ARL15: variants seen among roughly 807,000 people sequenced by gnomAD.
ARL15 encodes ADP-ribosylation factor-like protein 15.
In ARL15, 19 loss-of-function variants were observed where a neutral mutation model predicts 25.2. The observed-to-expected ratio is 0.75, with a 90% CI of 0.53 to 1.10. ARL15 has a LOEUF of 1.10. Ranked by LOEUF, ARL15 falls within the 50% of genes least tolerant of loss-of-function variation. ARL15 has a pLI of 0.00. For synonymous variants in ARL15, 94 were observed against 86.8 expected (o/e 1.08, Z -0.46); for missense variants, 220 against 246.0 (o/e 0.89, Z 0.71).
intron 1 of ARL15, among the ~76,000 whole-genome samples, chr5:54,184,300 A>C (rs935476884): frequency 6.7e-6 from 1 of 149,784 alleles, no homozygotes; most frequent in Non-Finnish European, 1.5e-5. Context: ...AAAATTAGCC[A>C]GGTGTGATGG....
intron 2 of ARL15, among the ~76,000 whole-genome samples, chr5:54,161,115 T>C (rs984190844): frequency 1.3e-5 from 2 of 152,138 alleles, no homozygotes; most frequent in Non-Finnish European, 2.9e-5. Flanking sequence ...GAAGACTGTA[T>C]ATATTCTTCT....
intron 4 of ARL15, among the ~76,000 whole-genome samples, chr5:54,035,102 TA>T (rs5867912): frequency 2.0e-5 from 3 of 151,316 alleles, no homozygotes; most frequent in Non-Finnish European, 3.0e-5. Context: ...ATAGGTTAAT[TA>T]AAAAAAAACC....
chr5:53,938,985 A>T (rs745329680), intron 4 of ARL15, among the ~76,000 whole-genome samples: 36 of 152,274 alleles, frequency 2.4e-4, no homozygotes, highest in Non-Finnish European at 4.6e-4. Flanking sequence ...AAGCTATTAT[A>T]GATTTCCTCT....
At chr5:54,118,808 G>A (rs1411820394) in intron 3 of ARL15, among the ~76,000 whole-genome samples, 1 of 152,002 alleles carries the variant, frequency 6.6e-6, no homozygotes, top group Non-Finnish European at 1.5e-5. Flanking sequence ...ATTGTGTGTT[G>A]CCCAGGAACT....
intron 4 of ARL15, among the ~76,000 whole-genome samples, chr5:53,890,421 G>A (rs1744674697): frequency 1.3e-5 from 2 of 152,130 alleles, no homozygotes; most frequent in African/African-American, 4.8e-5. Flanking sequence ...TCTTAAAAAT[G>A]ACTGAAGAGA....
intron 4 of ARL15, among the ~76,000 whole-genome samples, chr5:53,981,211 T>C (rs1289134512): frequency 6.6e-6 from 1 of 152,234 alleles, no homozygotes; most frequent in Non-Finnish European, 1.5e-5. Context: ...CTAATCATTA[T>C]TATTTATTTT....
intron 4 of ARL15, among the ~76,000 whole-genome samples, chr5:54,068,068 G>A (rs531749595): frequency 6.6e-6 from 1 of 152,288 alleles, no homozygotes; most frequent in South Asian, 2.1e-4. Context: ...CTTCAATAAA[G>A]AGCTGGAGGA....
At chr5:54,066,892 TAGA>T (rs764363336) in intron 4 of ARL15, among the ~76,000 whole-genome samples, 58 of 152,254 alleles carry the variant, frequency 3.8e-4, no homozygotes, top group Non-Finnish European at 7.4e-4. Flanking sequence ...ATCGCCAACA[TAGA>T]AGGTTATTTT....
At chr5:53,999,481 T>C (rs1748786343) in intron 4 of ARL15, among the ~76,000 whole-genome samples, 1 of 151,994 alleles carries the variant, frequency 6.6e-6, no homozygotes. Context: ...TCCCAGCCAC[T>C]TGGGAGGCTG....
At chr5:53,959,463 T>C (rs1462756198) in intron 4 of ARL15, among the ~76,000 whole-genome samples, 1 of 152,164 alleles carries the variant, frequency 6.6e-6, no homozygotes, top group South Asian at 2.1e-4. Flanking sequence ...GGGGAGATGA[T>C]CAATATATCT....
At chr5:54,010,430 T>C (rs1364597256) in intron 4 of ARL15, among the ~76,000 whole-genome samples, 1 of 152,212 alleles carries the variant, frequency 6.6e-6, no homozygotes, top group Non-Finnish European at 1.5e-5. Flanking sequence ...TGGAATTATC[T>C]AGAGAGTTAG....
At chr5:54,163,382 T>TTTTTTTTTTTTTTTTTTTTTTTTTTTTG in intron 2 of ARL15, among the ~76,000 whole-genome samples, 1 of 127,742 alleles carries the variant, frequency 7.8e-6, no homozygotes. Context: ...TTTTTTTTTT[T>TTTTTTTTTTTTTTTTTTTTTTTTTTTTG]TTTTTTTTTT....
intron 2 of ARL15, among the ~76,000 whole-genome samples, chr5:54,156,005 CAAAG>C (rs1359748037): frequency 2.0e-5 from 3 of 152,036 alleles, no homozygotes; most frequent in Admixed American, 1.3e-4. Flanking sequence ...AATTTATCAA[CAAAG>C]AAGACAAATT....
chr5:53,908,044 C>A (rs1435258745), intron 4 of ARL15, among the ~76,000 whole-genome samples: 2 of 152,140 alleles, frequency 1.3e-5, no homozygotes, highest in Non-Finnish European at 2.9e-5. Context: ...AGACAATAGT[C>A]CCCCTTTACA....
intron 4 of ARL15, among the ~76,000 whole-genome samples, chr5:54,011,971 T>C (rs1048428611): frequency 4.0e-5 from 6 of 151,778 alleles, no homozygotes; most frequent in Non-Finnish European, 8.8e-5. Flanking sequence ...ATCGCGCCAC[T>C]GCACCCTAGC....
At chr5:54,262,057 A>C (rs1345876998) in intron 1 of ARL15, among the ~76,000 whole-genome samples, 1 of 152,202 alleles carries the variant, frequency 6.6e-6, no homozygotes, top group African/African-American at 2.4e-5. Flanking sequence ...CTCACATGTA[A>C]GTTAAGGGCC....
intron 1 of ARL15, among the ~76,000 whole-genome samples, chr5:54,276,742 G>A (rs528673285): frequency 1.4e-4 from 21 of 152,314 alleles, no homozygotes; most frequent in South Asian, 2.1e-4. Flanking sequence ...CATCACAAGC[G>A]TCCTTATAAA....
intron 4 of ARL15, among the ~76,000 whole-genome samples, chr5:54,007,854 G>A (rs1749096947): frequency 6.6e-6 from 1 of 152,156 alleles, no homozygotes; most frequent in Non-Finnish European, 1.5e-5. Flanking sequence ...AGCTCCCAAT[G>A]TTGGGGGTCT....
At chr5:54,114,650 GGTAAA>G (rs879265007) in intron 3 of ARL15, among the ~76,000 whole-genome samples, 1 of 152,068 alleles carries the variant, frequency 6.6e-6, no homozygotes, top group Non-Finnish European at 1.5e-5. Context: ...GGCAGACAGA[GGTAAA>G]GTAAGTGATC....
Sources: allele counts gnomAD v4.1 joint callset (sites outside exome capture counted in the v4.1 genomes callset), GRCh38; gene constraint gnomAD v4.1.1; transcripts MANE v1.5; gene names NCBI Gene and HGNC (gene_info 2026-07-23, HGNC 2026-07-21).